Variants in SLC71A2 observed in about 807,000 individuals in gnomAD.
SLC71A2 encodes hippocampus abundant transcript-like 1.
chr9:94,388,733 T>C, the SLC71A2 span, among the ~76,000 whole-genome samples: 1 of 152,080 alleles, frequency 6.6e-6, no homozygotes, highest in Non-Finnish European at 1.5e-5. Context: ...ATTGCTGATA[T>C]TGAGATTTTT....
At chr9:94,420,585 G>T in the SLC71A2 span, among the ~76,000 whole-genome samples, 12 of 151,244 alleles carry the variant, frequency 7.9e-5, no homozygotes, top group African/African-American at 2.9e-4. Context: ...TAGATATTGG[G>T]TTTATAATAC....
the SLC71A2 span, chr9:94,458,595 G>A: frequency 2.3e-6 from 2 of 854,284 alleles, no homozygotes; most frequent in Non-Finnish European, 1.9e-6. Context: ...TAAGTATTGT[G>A]TTCATTGCTT....
chr9:94,379,696 T>A, the SLC71A2 span, among the ~76,000 whole-genome samples: 6 of 152,198 alleles, frequency 3.9e-5, no homozygotes, highest in Non-Finnish European at 1.5e-5. Flanking sequence ...TGGCTGGTAC[T>A]CTGCATTGAT....
At chr9:94,420,344 A>G in the SLC71A2 span, among the ~76,000 whole-genome samples, 15 of 152,224 alleles carry the variant, frequency 9.9e-5, no homozygotes, top group African/African-American at 3.6e-4. Flanking sequence ...TGATACCCAC[A>G]GAGCTGGGAT....
At chr9:94,379,107 A>T in the SLC71A2 span, among the ~76,000 whole-genome samples, 1 of 63,958 alleles carries the variant, frequency 1.6e-5, no homozygotes, top group African/African-American at 4.8e-5. Context: ...TTTTTTTGAG[A>T]CGGAGTTTCA....
the SLC71A2 span, among the ~76,000 whole-genome samples, chr9:94,407,434 A>G: frequency 6.7e-6 from 1 of 149,934 alleles, no homozygotes; most frequent in Non-Finnish European, 1.5e-5. Flanking sequence ...GCTAGAGTGC[A>G]GTGGCATGAT....
the SLC71A2 span, among the ~76,000 whole-genome samples, chr9:94,410,458 T>TG: frequency 7.9e-3 from 1,208 of 152,066 alleles, 18 homozygotes; most frequent in African/African-American, 0.028. Context: ...AGGCTGGACT[T>TG]GAACTCCTAG....
the SLC71A2 span, among the ~76,000 whole-genome samples, chr9:94,430,223 ATTTT>A: frequency 2.0e-5 from 2 of 102,446 alleles, no homozygotes; most frequent in Non-Finnish European, 4.3e-5. Flanking sequence ...CTTTTAAATA[ATTTT>A]TTTTTTTTTT....
chr9:94,416,061 G>A, the SLC71A2 span, among the ~76,000 whole-genome samples: 1 of 152,172 alleles, frequency 6.6e-6, no homozygotes, highest in Non-Finnish European at 1.5e-5. Context: ...ATCTTAGCAA[G>A]AACTTGTATG....
the SLC71A2 span, chr9:94,438,281 G>T: frequency 7.9e-7 from 1 of 1,263,014 alleles, no homozygotes; most frequent in Non-Finnish European, 1.1e-6. Flanking sequence ...ATGTTTCAAA[G>T]TATTATTCTG....
the SLC71A2 span, among the ~76,000 whole-genome samples, chr9:94,454,719 C>G: frequency 6.6e-6 from 1 of 151,676 alleles, no homozygotes; most frequent in Non-Finnish European, 1.5e-5. Context: ...CAAGAAGATA[C>G]AAAAAAAATG....
the SLC71A2 span, among the ~76,000 whole-genome samples, chr9:94,439,923 C>T: frequency 2.6e-5 from 4 of 152,102 alleles, no homozygotes; most frequent in African/African-American, 9.6e-5. Flanking sequence ...CTGCTCACTG[C>T]TTTTGCTAAT....
chr9:94,456,968 C>G, the SLC71A2 span, among the ~76,000 whole-genome samples: 2 of 148,448 alleles, frequency 1.3e-5, no homozygotes, highest in Non-Finnish European at 1.5e-5. Context: ...TTCCTCCCCC[C>G]ACCCCCCACC....
chr9:94,411,663 T>C, the SLC71A2 span, among the ~76,000 whole-genome samples: 2 of 151,816 alleles, frequency 1.3e-5, no homozygotes, highest in African/African-American at 2.4e-5. Context: ...TGATCTTGGC[T>C]CACTGCAACC....
chr9:94,399,363 C>T, the SLC71A2 span, among the ~76,000 whole-genome samples: 73,736 of 151,510 alleles, frequency 0.49, 18,167 homozygotes, highest in East Asian at 0.6. Context: ...TGCTTATTGC[C>T]GTTGAGTTTC....
At chr9:94,408,227 C>G in the SLC71A2 span, among the ~76,000 whole-genome samples, 1 of 152,124 alleles carries the variant, frequency 6.6e-6, no homozygotes, top group Non-Finnish European at 1.5e-5. Context: ...ATAAGCCCAT[C>G]GTAGGTTGAA....
the SLC71A2 span, among the ~76,000 whole-genome samples, chr9:94,386,124 T>G: frequency 6.6e-6 from 1 of 152,182 alleles, no homozygotes; most frequent in Non-Finnish European, 1.5e-5. Context: ...TTAGGTGAAA[T>G]TTGTTTTCGG....
At chr9:94,396,735 C>T in the SLC71A2 span, among the ~76,000 whole-genome samples, 2 of 152,164 alleles carry the variant, frequency 1.3e-5, no homozygotes, top group Admixed American at 1.3e-4. Flanking sequence ...TAGATTTGGA[C>T]TGTGGGCTGT....
chr9:94,457,390 A>G, the SLC71A2 span, among the ~76,000 whole-genome samples: 1 of 111,078 alleles, frequency 9.0e-6, no homozygotes. Context: ...TTAATGCCTA[A>G]GAGCCCTTTT....
Sources: gnomAD v4.1 joint callset for allele counts (sites outside exome capture counted in the v4.1 genomes callset) on GRCh38, gnomAD v4.1.1 for gene constraint, MANE v1.5 for transcripts, NCBI Gene and HGNC (gene_info 2026-07-23, HGNC 2026-07-21) for gene names.